Variants in PDZRN4 observed in about 807,000 individuals in gnomAD.
PDZRN4 encodes the protein PDZ domain-containing RING finger protein 4.
A neutral mutation model predicts 99.0 loss-of-function variants in PDZRN4; 70 were observed. The observed-to-expected ratio is 0.71, with a 90% confidence interval of 0.58 to 0.86. PDZRN4 has a LOEUF of 0.86. PDZRN4 is among the 40% of genes least tolerant of loss of function. PDZRN4 has a pLI of 0.00. For synonymous variants in PDZRN4, 551 were observed against 501.6 expected, an observed-to-expected ratio of 1.10 and a Z score of -1.32; for missense variants, 1,474 against 1,331.2, an observed-to-expected ratio of 1.11 and a Z score of -1.67.
chr12:41,353,380 A>T (rs1951904950), intron 3 of PDZRN4, among the ~76,000 whole-genome samples: 1 of 151,900 alleles, frequency 6.6e-6, no homozygotes, highest in Admixed American at 6.6e-5. Flanking sequence ...CTATATGAGC[A>T]TTGGTAGGAG....
chr12:41,280,239 G>T (rs932958498), intron 3 of PDZRN4, among the ~76,000 whole-genome samples: 7 of 152,118 alleles, frequency 4.6e-5, no homozygotes, highest in African/African-American at 1.2e-4. Flanking sequence ...GATTCCCTCG[G>T]GTGCCTACAC....
intron 3 of PDZRN4, among the ~76,000 whole-genome samples, chr12:41,470,099 C>G (rs186312609): frequency 6.6e-6 from 1 of 152,018 alleles, no homozygotes; most frequent in Admixed American, 6.6e-5. Context: ...ACTTGAAGGC[C>G]TTTAAAATCT....
chr12:41,497,137 C>T (rs2730815), intron 3 of PDZRN4, among the ~76,000 whole-genome samples: 18,012 of 152,088 alleles, frequency 0.12, 1,118 homozygotes, highest in African/African-American at 0.15. Context: ...GTGCTCTCAT[C>T]ACAAAGATGG....
intron 3 of PDZRN4, among the ~76,000 whole-genome samples, chr12:41,424,007 C>G (rs915959724): frequency 4.6e-5 from 7 of 152,102 alleles, no homozygotes; most frequent in African/African-American, 1.7e-4. Context: ...GCTCATATGG[C>G]TCCATTACTC....
chr12:41,188,793 G>T lies in PDZRN4; in HGVS notation c.338G>T (p.Arg113Leu), dbSNP rs1334421956. Residue 113 changes from arginine to leucine, a missense_variant, in exon 1 of 10, where the codon CGC (arginine) becomes CTC (leucine). By Grantham distance (102) the Arg-to-Leu change is moderately radical. Transcript: ENST00000402685. ...HCDFGPARRL[R>L]SRGGCASGLG... Reference sequence around the variant, plus strand: ...GACTTCGGCCCTGCCCGCCGGCTCCGCAGCCGCGGGGGCTGCGCTTCGGGG... The same window carrying T: ...GACTTCGGCCCTGCCCGCCGGCTCCTCAGCCGCGGGGGCTGCGCTTCGGGG... 7.4e-7 allele frequency: 1 copy of T among 1,357,176 alleles called. No homozygotes were observed. Among genetic ancestry groups the T allele is most frequent in the Non-Finnish European group, 9.4e-7 (1 of 1,061,730 alleles). The allele number at this position is 1,357,176 out of a possible 1,614,324, so 84.1% of individuals were successfully genotyped here. A position where few individuals can be genotyped will look rare whatever the true frequency, so the allele number is the denominator to read the frequency against.
intron 3 of PDZRN4, among the ~76,000 whole-genome samples, chr12:41,198,622 A>AG (rs1376304557): frequency 1.3e-5 from 1 of 76,028 alleles, no homozygotes; most frequent in Admixed American, 1.7e-4. Flanking sequence ...GGGTGGGGGG[A>AG]GGGGGGAGGG....
At chr12:41,299,376 A>T (rs1157722584) in intron 3 of PDZRN4, among the ~76,000 whole-genome samples, 2 of 152,160 alleles carry the variant, frequency 1.3e-5, no homozygotes, top group African/African-American at 2.4e-5. Context: ...TAATCCAATT[A>T]AATCATCAAG....
intron 3 of PDZRN4, among the ~76,000 whole-genome samples, chr12:41,278,422 G>A (rs1000463191): frequency 2.0e-5 from 3 of 152,192 alleles, no homozygotes; most frequent in Admixed American, 6.5e-5. Context: ...TTAGCAGTCT[G>A]TTAAATGAAC....
chr12:41,538,822 C>G (rs1418061859), intron 5 of PDZRN4, among the ~76,000 whole-genome samples: 1 of 151,964 alleles, frequency 6.6e-6, no homozygotes, highest in African/African-American at 2.4e-5. Context: ...TACAATTATA[C>G]AGCTATGCAC....
intron 3 of PDZRN4, among the ~76,000 whole-genome samples, chr12:41,203,465 G>A (rs1056807376): frequency 6.6e-6 from 1 of 152,040 alleles, no homozygotes; most frequent in Non-Finnish European, 1.5e-5. Flanking sequence ...GGTAGGACTT[G>A]TGTGTCTTGC....
chr12:41,533,652 A>ACCC (rs1938701442), intron 5 of PDZRN4, among the ~76,000 whole-genome samples: 2 of 152,154 alleles, frequency 1.3e-5, no homozygotes, highest in Non-Finnish European at 2.9e-5. Context: ...TTTTTCTTCT[A>ACCC]ACTTCCTGAA....
At chr12:41,407,222 A>G (rs1011551717) in intron 3 of PDZRN4, among the ~76,000 whole-genome samples, 2 of 152,192 alleles carry the variant, frequency 1.3e-5, no homozygotes, top group African/African-American at 4.8e-5. Flanking sequence ...TCTCACCGTC[A>G]TTTTAGGCTA....
intron 3 of PDZRN4, among the ~76,000 whole-genome samples, chr12:41,461,151 C>A (rs113202614): frequency 6.6e-6 from 1 of 151,950 alleles, no homozygotes; most frequent in South Asian, 2.1e-4. Context: ...AAACAAATGA[C>A]AAGCACAAAA....
chr12:41,532,818 T>A (rs1387816058), intron 5 of PDZRN4, among the ~76,000 whole-genome samples: 1 of 152,230 alleles, frequency 6.6e-6, no homozygotes, highest in African/African-American at 2.4e-5. Flanking sequence ...AAATGTATTC[T>A]AAATTGCTTG....
intron 8 of PDZRN4, among the ~76,000 whole-genome samples, chr12:41,565,144 C>T (rs983933564): frequency 2.6e-5 from 4 of 152,104 alleles, no homozygotes; most frequent in South Asian, 2.1e-4. Context: ...TATCTGGCTA[C>T]ACTTCTGACC....
intron 3 of PDZRN4, among the ~76,000 whole-genome samples, chr12:41,402,307 T>A (rs1329040392): frequency 1 from 854 of 856 alleles, 427 homozygotes; most frequent in Middle Eastern, 1. Flanking sequence ...ATACACACAG[T>A]GTGTATATAT....
intron 3 of PDZRN4, among the ~76,000 whole-genome samples, chr12:41,414,414 T>A (rs554823294): frequency 2.0e-4 from 31 of 152,196 alleles, no homozygotes; most frequent in Non-Finnish European, 4.3e-4. Flanking sequence ...TCTTCCAGGC[T>A]GTTTACTTTT....
chr12:41,317,647 T>A (rs1379088049), intron 3 of PDZRN4, among the ~76,000 whole-genome samples: 3 of 152,218 alleles, frequency 2.0e-5, no homozygotes, highest in Non-Finnish European at 4.4e-5. Context: ...ATTTTGCTCA[T>A]AATGATATAA....
chr12:41,395,236 G>A (rs1952238429), intron 3 of PDZRN4, among the ~76,000 whole-genome samples: 1 of 129,716 alleles, frequency 7.7e-6, no homozygotes, highest in African/African-American at 2.6e-5. Context: ...ATGTAAACCT[G>A]TGAAACTAAA....
Sources: allele counts gnomAD v4.1 joint callset (sites outside exome capture counted in the v4.1 genomes callset), GRCh38; gene constraint gnomAD v4.1.1; transcripts MANE v1.5; gene names NCBI Gene and HGNC (gene_info 2026-07-23, HGNC 2026-07-21).